The following KIFC3 variants were observed in gnomAD, a reference collection of about 807,000 sequenced individuals.
KIFC3 encodes kinesin-like protein KIFC3.
KIFC3 carries 60 observed loss-of-function variants against 101.8 expected under a neutral mutation model. The observed-to-expected ratio is 0.59, with a 90% confidence interval of 0.48 to 0.73. The LOEUF (loss-of-function observed/expected upper bound fraction) is 0.73, where lower values mean the gene tolerates loss of function less well. KIFC3 is among the 30% of genes least tolerant of loss of function. The probability of loss-of-function intolerance (pLI) is 0.00; values close to 1 mark genes in which losing one functional copy is unlikely to be tolerated. For synonymous variants in KIFC3, 476 were observed against 482.7 expected (o/e 0.99, Z 0.18); for missense variants, 966 against 1,137.1 (o/e 0.85, Z 2.16).
chr16:57,765,550 T>TCGG lies in KIFC3; in HGVS notation c.1418_1420dup (p.Ala473dup). ...CAGCAGGTGGATGATGGAGTCGTCG[T>TCGG]CGGCATCGAAAGTCACAGCATTGGT... On this transcript the variant is annotated inframe_insertion, in exon 11 of 20. Transcript: ENST00000445690. The TCGG allele has an allele frequency of 2.5e-6, 4 of 1,604,540 alleles. No homozygotes were observed. Among genetic ancestry groups the TCGG allele is most frequent in the Non-Finnish European group, 3.4e-6 (4 of 1,175,116 alleles).
chr16:57,832,713 G>A (rs1322512783), intron 1 of KIFC3, among the ~76,000 whole-genome samples: 2 of 152,070 alleles, frequency 1.3e-5, no homozygotes, highest in Admixed American at 1.3e-4. Context: ...TTGCCACAGA[G>A]ATTTTTAAAT....
chr16:57,782,042 G>A lies in KIFC3; in HGVS notation c.316-9754C>T, dbSNP rs911978712. ...CAAGGCAGAGTGTACCCCCTGGCGG[G>A]CTTTGCTTAGAGAGGCAAAGTTCAG... On this transcript the variant is annotated intron_variant, in intron 3 of 19. Coordinates refer to ENST00000445690, the MANE Select transcript of KIFC3 (RefSeq NM_001130100.2). 4.4e-5 allele frequency: 43 copies of A among 985,340 alleles called. No individual in the cohort carries two copies. In the African/African-American group the frequency reaches 7.3e-4, roughly 17 times the overall value. 61.0% of individuals were successfully genotyped at this position (985,340 alleles called of 1,614,324 possible).
chr16:57,825,681 T>A (rs1234820457), intron 1 of KIFC3, among the ~76,000 whole-genome samples: 4 of 152,210 alleles, frequency 2.6e-5, no homozygotes, highest in African/African-American at 9.6e-5. Flanking sequence ...TGTTTGTTTG[T>A]TTTTGTTTTG....
intron 12 of KIFC3, among the ~76,000 whole-genome samples, chr16:57,763,354 G>C (rs1373343827): frequency 1.3e-5 from 2 of 152,056 alleles, no homozygotes; most frequent in East Asian, 1.9e-4. Context: ...GCCTGGCCTG[G>C]CCTGCCCCCA....
intron 1 of KIFC3, among the ~76,000 whole-genome samples, chr16:57,838,208 T>C (rs2055735154): frequency 6.6e-6 from 1 of 152,120 alleles, no homozygotes; most frequent in Admixed American, 6.6e-5. Context: ...TTCCCAAGCC[T>C]CGCAGCCGGG....
intron 1 of KIFC3, among the ~76,000 whole-genome samples, chr16:57,840,850 G>T (rs1017751422): frequency 1.3e-5 from 2 of 151,028 alleles, no homozygotes; most frequent in African/African-American, 4.9e-5. Context: ...GGTTCTACAC[G>T]CAAGACAATG....
chr16:57,770,107 C>T (rs1214832481), intron 7 of KIFC3, 152 bp from the exon 8 acceptor site: 4 of 994,758 alleles, frequency 4.0e-6, no homozygotes, highest in Non-Finnish European at 5.8e-6. Context: ...GGCCTTGTCT[C>T]CCTCCCCCTA....
At chr16:57,805,409 A>G (rs1177927199), upstream of KIFC3, among the ~76,000 whole-genome samples, 1 of 152,222 alleles carries the variant, frequency 6.6e-6, no homozygotes, top group Non-Finnish European at 1.5e-5. Flanking sequence ...GCCCCGGGAA[A>G]GGTGCAAGTT....
intron 1 of KIFC3, among the ~76,000 whole-genome samples, chr16:57,821,485 T>C (rs2055348887): frequency 6.6e-6 from 1 of 152,048 alleles, no homozygotes; most frequent in Non-Finnish European, 1.5e-5. Flanking sequence ...CCCCAACCTA[T>C]AACGAGGACT....
chr16:57,846,333 C>T (rs1308898436), intron 1 of KIFC3: 1 of 152,370 alleles, frequency 6.6e-6, no homozygotes, highest in Non-Finnish European at 1.5e-5. Context: ...CCATGAGATA[C>T]ACATCTTTTC....
intron 1 of KIFC3, among the ~76,000 whole-genome samples, chr16:57,862,426 G>T (rs937983384): frequency 4.6e-5 from 7 of 151,840 alleles, no homozygotes; most frequent in Non-Finnish European, 8.8e-5. Context: ...GTTGACCGAG[G>T]GTTACTGAAA....
At chr16:57,794,237 C>CTT (rs782736400) in intron 3 of KIFC3, among the ~76,000 whole-genome samples, 34 of 143,822 alleles carry the variant, frequency 2.4e-4, no homozygotes, top group African/African-American at 3.8e-4. Context: ...TTTTTCTTTT[C>CTT]TTTTTTTTTT....
intron 1 of KIFC3, among the ~76,000 whole-genome samples, chr16:57,824,110 G>T (rs551016244): frequency 1.3e-5 from 2 of 152,214 alleles, no homozygotes; most frequent in South Asian, 4.1e-4. Flanking sequence ...GCCTGGGGTT[G>T]TCCTGGTTTT....
chr16:57,775,589 G>A (rs1879499728), intron 3 of KIFC3: 2 of 985,690 alleles, frequency 2.0e-6, no homozygotes, highest in Non-Finnish European at 2.4e-6. Context: ...GAGCAGGCAG[G>A]GCCTTCCTCA....
intron 1 of KIFC3, among the ~76,000 whole-genome samples, chr16:57,835,915 A>C (rs1348618530): frequency 6.6e-6 from 1 of 152,156 alleles, no homozygotes; most frequent in Admixed American, 6.6e-5. Flanking sequence ...GTGCCACTGC[A>C]CTCTAGCCTA....
intron 1 of KIFC3, among the ~76,000 whole-genome samples, chr16:57,855,119 C>CTTTTTTTT (rs1229988962): frequency 9.5e-5 from 10 of 105,022 alleles, no homozygotes; most frequent in Non-Finnish European, 1.4e-4. Context: ...CCATTTCTTT[C>CTTTTTTTT]TTTTTTTTTT....
chr16:57,772,294 G>C lies in KIFC3; in HGVS notation c.316-6C>G. ...TTCTCCTTCAGGTGTTCTACCTGTG[G>C]GCACAGAGTCAGGAGCAAGGTGAGC... On this transcript the variant is annotated splice_region_variant and splice_polypyrimidine_tract_variant and intron_variant, in intron 3 of 19. Transcript: ENST00000445690. The C allele has an allele frequency of 2.5e-6, 4 of 1,613,538 alleles. No individual in the cohort carries two copies. The highest frequency in any genetic ancestry group is 3.4e-6 in the Non-Finnish European group (4 of 1,179,646).
In KIFC3 at chr16:57,771,666, C is replaced by T. The variant is rs1555608623; in HGVS notation, c.402G>A (p.Lys134=). The change falls in exon 5 of 20, where the codon AAG becomes AAA. Residue 134 remains lysine (K), a synonymous_variant. Transcript: ENST00000445690. Reference sequence around the variant, plus strand: ...TCTCCACCATCAGCAGGTCCCGGTGCTTCTCCAAGTCGGTGCCCCCCTGCA... The same window carrying T: ...TCTCCACCATCAGCAGGTCCCGGTGTTTCTCCAAGTCGGTGCCCCCCTGCA... ...RSELGGTDLE[K]HRDLLMVENE... The T allele has an allele frequency of 3.1e-6, 5 of 1,612,386 alleles. No homozygotes were observed. Among genetic ancestry groups the T allele is most frequent in the African/African-American group, 1.3e-5 (1 of 74,916 alleles).
At chr16:57,844,736 C>G (rs1395738817) in intron 1 of KIFC3, among the ~76,000 whole-genome samples, 4 of 152,158 alleles carry the variant, frequency 2.6e-5, no homozygotes, top group Admixed American at 2.0e-4. Flanking sequence ...TGCAGCCCGT[C>G]TCGCTCTGAC....
Sources: allele counts gnomAD v4.1 joint callset (sites outside exome capture counted in the v4.1 genomes callset), GRCh38; gene constraint gnomAD v4.1.1; transcripts MANE v1.5; gene names NCBI Gene and HGNC (gene_info 2026-07-23, HGNC 2026-07-21).